PMM2: variants seen among roughly 807,000 people sequenced by gnomAD.
PMM2 encodes mannose-6-phosphate isomerase.
A neutral mutation model predicts 33.2 loss-of-function variants in PMM2; 35 were observed. The observed-to-expected ratio is 1.06, with a 90% CI of 0.81 to 1.40. The LOEUF (loss-of-function observed/expected upper bound fraction) is 1.40, where lower values mean the gene tolerates loss of function less well. Ranked by LOEUF, PMM2 falls within the 40% of genes most tolerant of loss-of-function variation. The probability of loss-of-function intolerance (pLI) is 0.00; values close to 1 mark genes in which losing one functional copy is unlikely to be tolerated. For synonymous variants in PMM2, 153 were observed against 114.7 expected (o/e 1.33, Z -2.13); for missense variants, 386 against 306.0 (o/e 1.26, Z -1.95).
chr16:8,803,351 C>T (rs1330735402), intron 2 of PMM2, among the ~76,000 whole-genome samples: 1 of 152,174 alleles, frequency 6.6e-6, no homozygotes, highest in African/African-American at 2.4e-5. Context: ...ATCCTGTTAC[C>T]TGCTCATGAT....
intron 7 of PMM2, chr16:8,847,508 C>G (rs1380433021): frequency 5.3e-6 from 3 of 570,368 alleles, no homozygotes; most frequent in Non-Finnish European, 9.5e-6. Context: ...TTACGTGTTC[C>G]AAGCCAAATT....
intron 7 of PMM2, among the ~76,000 whole-genome samples, chr16:8,841,878 G>A (rs1456761300): frequency 1.0e-4 from 15 of 150,228 alleles, no homozygotes; most frequent in African/African-American, 2.7e-4. Context: ...TGAAGGAGCC[G>A]GGGAGCAGAA....
chr16:8,835,546 G>C (rs1257715171), intron 7 of PMM2, among the ~76,000 whole-genome samples: 2 of 152,034 alleles, frequency 1.3e-5, no homozygotes, highest in African/African-American at 4.8e-5. Context: ...AGTAGATGGA[G>C]GTATTGAGGA....
At chr16:8,846,990 A>G (rs2060930016) in intron 7 of PMM2, among the ~76,000 whole-genome samples, 1 of 151,958 alleles carries the variant, frequency 6.6e-6, no homozygotes, top group Non-Finnish European at 1.5e-5. Context: ...CAGCCTCCCG[A>G]GCAGCTGGGA....
intron 4 of PMM2, among the ~76,000 whole-genome samples, chr16:8,807,395 GTGCCACCTGAGCAGC>G (rs1454901536): frequency 6.6e-6 from 1 of 152,164 alleles, no homozygotes; most frequent in Non-Finnish European, 1.5e-5. Flanking sequence ...CTGCCGGCAG[GTGCCACCTGAGCAGC>G]TGCCACCTGA....
intron 2 of PMM2, among the ~76,000 whole-genome samples, chr16:8,804,021 GGTTTTTTTTGT>G (rs1315267653): frequency 1.4e-5 from 1 of 72,628 alleles, no homozygotes; most frequent in African/African-American, 4.9e-5. Context: ...TTGTTTTTTG[GGTTTTTTTTGT>G]TTTTTTTTTT....
intron 5 of PMM2, 141 bp downstream of exon 5, chr16:8,811,319 C>A: frequency 1.4e-6 from 1 of 708,542 alleles, no homozygotes; most frequent in South Asian, 1.5e-5. Context: ...AGTTCAAGAC[C>A]AGCCTAGGCA....
At chr16:8,832,794 C>T (rs563717323) in intron 7 of PMM2, 4 of 985,328 alleles carry the variant, frequency 4.1e-6, no homozygotes, top group Non-Finnish European at 4.8e-6. Context: ...CCCGCTGTGG[C>T]CCGGCCCCAG....
At chr16:8,837,524 G>C (rs1006110957) in intron 7 of PMM2, among the ~76,000 whole-genome samples, 13 of 151,802 alleles carry the variant, frequency 8.6e-5, no homozygotes, top group Non-Finnish European at 1.8e-4. Flanking sequence ...CACGGAGAAG[G>C]GGTGGGGGGT....
chr16:8,811,492 C>A, intron 5 of PMM2, 146 bp from the exon 6 acceptor site: 1 of 687,780 alleles, frequency 1.5e-6, no homozygotes, highest in Non-Finnish European at 2.6e-6. Flanking sequence ...TGCGCTCCAG[C>A]CTGGGCAACA....
intron 7 of PMM2, among the ~76,000 whole-genome samples, chr16:8,842,588 G>C (rs2060897438): frequency 6.6e-6 from 1 of 152,180 alleles, no homozygotes; most frequent in South Asian, 2.1e-4. Flanking sequence ...ATCAAGTGTG[G>C]AATAGTGAGT....
intron 2 of PMM2, among the ~76,000 whole-genome samples, chr16:8,804,031 G>GTTTTTTGTTTTTTTTTTTT (rs778630854): frequency 1.1e-5 from 1 of 87,492 alleles, no homozygotes; most frequent in Non-Finnish European, 2.3e-5. Flanking sequence ...GGTTTTTTTT[G>GTTTTTTGTTTTTTTTTTTT]TTTTTTTTTT....
At chr16:8,829,735 C>T (rs141261937) in intron 7 of PMM2, among the ~76,000 whole-genome samples, 1,694 of 152,288 alleles carry the variant, frequency 0.011, 31 homozygotes, top group African/African-American at 0.039. Flanking sequence ...CTTCTGCTGA[C>T]AAGTCCTTCA....
chr16:8,848,686 T>C lies in PMM2; in HGVS notation c.*861T>C, dbSNP rs1226071540. The C allele has an allele frequency of 6.6e-6, 1 of 152,182 alleles. No individual in the cohort carries two copies. The highest frequency in any genetic ancestry group is 2.4e-5 in the African/African-American group (1 of 41,384). 9.4% of individuals were successfully genotyped at this position (152,182 alleles called of 1,614,324 possible). A position where few individuals can be genotyped will look rare whatever the true frequency, so the allele number is the denominator to read the frequency against. ...ATGTCAGACTTCACCAAAAGGACTT[T>C]CTGGTTGCCCCTGGCTGGCTTCCTG... On this transcript the variant is annotated 3_prime_UTR_variant, in exon 8 of 8. Coordinates refer to ENST00000268261, the MANE Select transcript of PMM2 (RefSeq NM_000303.3).
At chr16:8,834,462 C>T (rs539660051) in intron 7 of PMM2, among the ~76,000 whole-genome samples, 1 of 151,624 alleles carries the variant, frequency 6.6e-6, no homozygotes, top group African/African-American at 2.4e-5. Context: ...GGAAAGGCCT[C>T]TACTTATCTA....
chr16:8,827,634 G>GAT (rs2060777223), intron 7 of PMM2, among the ~76,000 whole-genome samples: 1 of 144,250 alleles, frequency 6.9e-6, no homozygotes, highest in Non-Finnish European at 1.5e-5. Context: ...GACCTCAAGT[G>GAT]ATCCCCCTGC....
At chr16:8,826,413 T>A (rs1411903243) in intron 7 of PMM2, among the ~76,000 whole-genome samples, 1 of 152,024 alleles carries the variant, frequency 6.6e-6, no homozygotes, top group Non-Finnish European at 1.5e-5. Flanking sequence ...TAGCTAGGAG[T>A]CATGGCTACC....
intron 7 of PMM2, among the ~76,000 whole-genome samples, chr16:8,825,984 G>C (rs2060765576): frequency 6.6e-6 from 1 of 152,088 alleles, no homozygotes; most frequent in African/African-American, 2.4e-5. Flanking sequence ...TCGAACTTCT[G>C]ACCTCGTGAT....
In PMM2 at chr16:8,801,837, G is replaced by A; in HGVS notation, c.105G>A (p.Leu35=). ...AAATGGATGACTTCCTACAAAAATTGAGGCAGAAGATCAAAATCGGAGTGG... is the reference window on the plus strand; with the variant it reads ...AAATGGATGACTTCCTACAAAAATTAAGGCAGAAGATCAAAATCGGAGTGG... ...TKEMDDFLQK[L]RQKIKIGVVG... is the part of the protein sequence containing the mutation. Residue 35 remains leucine, a synonymous_variant, in exon 2 of 8, where the codon TTG becomes TTA. Coordinates refer to ENST00000268261, the MANE Select transcript of PMM2 (RefSeq NM_000303.3). 6.2e-7 allele frequency: 1 copy of A among 1,611,932 alleles called. No homozygotes were observed.
Sources: allele counts gnomAD v4.1 joint callset (sites outside exome capture counted in the v4.1 genomes callset), GRCh38; gene constraint gnomAD v4.1.1; transcripts MANE v1.5; gene names NCBI Gene and HGNC (gene_info 2026-07-23, HGNC 2026-07-21).